SYK: variants seen among roughly 807,000 people sequenced by gnomAD.
SYK encodes the protein tyrosine-protein kinase SYK.
SYK carries 16 observed loss-of-function variants against 77.8 expected under a neutral mutation model. That is an observed-to-expected ratio of 0.21 (90% CI 0.14 to 0.31). SYK has a LOEUF of 0.31. Ranked by LOEUF, SYK falls within the 10% of genes least tolerant of loss-of-function variation. SYK has a pLI of 1.00. For synonymous variants in SYK, 312 were observed against 308.7 expected (o/e 1.01, Z -0.11); for missense variants, 529 against 814.4 (o/e 0.65, Z 4.26).
chr9:90,865,035 T>C lies in SYK; in HGVS notation c.797-13T>C, dbSNP rs1419383896. 6.2e-7 allele frequency: 1 copy of C among 1,613,954 alleles called. No homozygotes were observed. Among genetic ancestry groups the C allele is most frequent in the South Asian group, 1.1e-5 (1 of 91,062 alleles). The stretch of plus-strand genomic sequence containing the variant: ...CAGATAGAGCAGTAATTGTCCATGC[T>C]CTCTCTAACCAGGAAATGTTAATTT... On this transcript the variant is annotated splice_polypyrimidine_tract_variant and intron_variant, in intron 5 of 13. Transcript: ENST00000375754.
intron 3 of SYK, among the ~76,000 whole-genome samples, chr9:90,857,887 T>C (rs1052307304): frequency 3.9e-5 from 6 of 152,080 alleles, no homozygotes; most frequent in Non-Finnish European, 8.8e-5. Context: ...CCAGGCATCT[T>C]CCTTCCCCTT....
chr9:90,885,329 TATTTTTA>T (rs1828522209), intron 11 of SYK, among the ~76,000 whole-genome samples: 1 of 152,094 alleles, frequency 6.6e-6, no homozygotes, highest in South Asian at 2.1e-4. Context: ...AAGAAATAGA[TATTTTTA>T]AAAGAACCAA....
chr9:90,868,360 G>A (rs1827597830), intron 7 of SYK, among the ~76,000 whole-genome samples: 1 of 152,106 alleles, frequency 6.6e-6, no homozygotes, highest in Non-Finnish European at 1.5e-5. Flanking sequence ...GAAAAAAGTT[G>A]AAGAAAATAT....
chr9:90,875,460 A>G (rs1827890796), intron 9 of SYK, among the ~76,000 whole-genome samples: 1 of 152,058 alleles, frequency 6.6e-6, no homozygotes, highest in Admixed American at 6.5e-5. Context: ...TACCATCCCA[A>G]CACTACTACT....
chr9:90,827,889 C>A (rs1825712441), intron 1 of SYK, among the ~76,000 whole-genome samples: 1 of 152,288 alleles, frequency 6.6e-6, no homozygotes, highest in Middle Eastern at 3.4e-3. Flanking sequence ...ATTATAAAAT[C>A]TCAGGAGACC....
chr9:90,810,673 G>A (rs1022076397), intron 1 of SYK, among the ~76,000 whole-genome samples: 2 of 152,234 alleles, frequency 1.3e-5, no homozygotes, highest in Non-Finnish European at 2.9e-5. Flanking sequence ...CTCTGTCAGT[G>A]TGAAGACCAA....
At chr9:90,838,858 A>G (rs866370084) in intron 1 of SYK, among the ~76,000 whole-genome samples, 1 of 152,356 alleles carries the variant, frequency 6.6e-6, no homozygotes, top group East Asian at 1.9e-4. Context: ...TGAGTTGGCA[A>G]AAGCATCAGG....
At chr9:90,875,611 TA>T (rs1298137606) in intron 9 of SYK, among the ~76,000 whole-genome samples, 2 of 152,228 alleles carry the variant, frequency 1.3e-5, no homozygotes, top group Admixed American at 1.3e-4. Flanking sequence ...TTTAATTTTA[TA>T]GTTACATCTC....
intron 1 of SYK, among the ~76,000 whole-genome samples, chr9:90,837,736 C>T (rs1826141737): frequency 6.6e-6 from 1 of 152,142 alleles, no homozygotes; most frequent in Non-Finnish European, 1.5e-5. Flanking sequence ...GTGGCTTCCA[C>T]GAGGGCAGCC....
chr9:90,862,359 C>G lies in SYK; in HGVS notation c.717+15C>G, dbSNP rs372227462. The G allele has an allele frequency of 2.5e-6, 4 of 1,611,816 alleles. No individual in the cohort carries two copies. The highest frequency in any genetic ancestry group is 1.6e-4 in the Middle Eastern group (1 of 6,070). Reference sequence around the variant, plus strand: ...CGCTCTGGCAGGTACCCAGCCTCCTCTCCCCACCTTGTGGGTAGAGTACAG... The same window carrying G: ...CGCTCTGGCAGGTACCCAGCCTCCTGTCCCCACCTTGTGGGTAGAGTACAG... On this transcript the variant is annotated intron_variant, in intron 4 of 13. Coordinates refer to ENST00000375754, the MANE Select transcript of SYK (RefSeq NM_003177.7).
chr9:90,873,341 C>G (rs555964782), intron 7 of SYK, among the ~76,000 whole-genome samples: 2 of 146,140 alleles, frequency 1.4e-5, no homozygotes, highest in South Asian at 4.3e-4. Flanking sequence ...TCAACTCACG[C>G]TGAAAAAAAA....
chr9:90,862,915 T>C (rs1322621924), intron 4 of SYK, among the ~76,000 whole-genome samples: 1 of 152,066 alleles, frequency 6.6e-6, no homozygotes, highest in Non-Finnish European at 1.5e-5. Context: ...TCTCTCTCTG[T>C]GGAAACTAAG....
At chr9:90,868,465 G>A (rs560640519) in intron 7 of SYK, among the ~76,000 whole-genome samples, 5 of 152,168 alleles carry the variant, frequency 3.3e-5, no homozygotes, top group Admixed American at 1.3e-4. Context: ...TAGCACTAAT[G>A]CTGACACATA....
intron 8 of SYK, 115 bp downstream of exon 8, chr9:90,874,406 G>A (rs1288260117): frequency 1.8e-6 from 2 of 1,097,250 alleles, no homozygotes; most frequent in Admixed American, 3.8e-5. Context: ...TACAGCCACA[G>A]TTAGCCATGG....
chr9:90,819,822 T>C (rs969503962), intron 1 of SYK, among the ~76,000 whole-genome samples: 2 of 152,150 alleles, frequency 1.3e-5, no homozygotes, highest in African/African-American at 2.4e-5. Flanking sequence ...ATTTCAGCAT[T>C]AACCCAAAAG....
Position 90,844,208 on chromosome 9 carries a change from A to C in SYK, c.310A>C (p.Lys104Gln). Reference sequence around the variant, plus strand: ...GTCTGATGGCCTGGTCTGCCTCCTCAAGAAGCCCTTCAACCGGCCCCAAGG... The same window carrying C: ...GTCTGATGGCCTGGTCTGCCTCCTCCAGAAGCCCTTCAACCGGCCCCAAGG... The part of the protein sequence containing the change: ...QESDGLVCLL[K>Q]KPFNRPQGVQ... The change falls in exon 2 of 14, where the codon AAG becomes CAG. Residue 104 changes from lysine (K) to glutamine (Q), a missense_variant. Transcript: ENST00000375754. The C allele has an allele frequency of 6.2e-7, 1 of 1,614,196 alleles. No homozygotes were observed. The highest frequency in any genetic ancestry group is 8.5e-7 in the Non-Finnish European group (1 of 1,180,014).
At position 90,838,006 on chromosome 9, in the gene SYK, A is replaced by G. The variant is rs115759323; in HGVS notation, c.-41-5852A>G. On this transcript the variant is annotated intron_variant, in intron 1 of 13. Coordinates refer to ENST00000375754, the MANE Select transcript of SYK (RefSeq NM_003177.7). ...AGCAGCCAGGGTCTCATCCTCAGCA[A>G]CTGTGGTGCTCAATGTCATTTCCTC... 2.1e-3 allele frequency among the ~76,000 whole-genome samples: 324 copies of G among 152,304 alleles called. 2 individuals are homozygous for G. The highest frequency in any genetic ancestry group is 7.7e-3 in the African/African-American group (322 of 41,558).
chr9:90,837,437 A>G (rs1826125193), intron 1 of SYK, among the ~76,000 whole-genome samples: 1 of 152,098 alleles, frequency 6.6e-6, no homozygotes, highest in South Asian at 2.1e-4. Context: ...CTGAGACTGG[A>G]TCATCATGAT....
rs1554714684 is a variant in SYK, at chr9:90,884,774, T to TACACATATAC, written c.1582-2969_1582-2968insATACACACAT. Among the ~76,000 whole-genome samples, 2 of 32,736 alleles carry TACACATATAC rather than the reference T, an allele frequency of 6.1e-5. 1 individual carries two copies. The highest frequency in any genetic ancestry group is 9.6e-5 in the Non-Finnish European group (2 of 20,916). The allele number at this position is 32,736 out of a possible 152,430, so 21.5% of individuals were successfully genotyped here. A position where few individuals can be genotyped will look rare whatever the true frequency, so the allele number is the denominator to read the frequency against. On this transcript the variant is annotated intron_variant, in intron 11 of 13. Transcript: ENST00000375754. ...ATACACATATGTGTACATGCACATA[T>TACACATATAC]ACACATGTGTACATGCACATATACA...
Sources: gnomAD v4.1 joint callset for allele counts (sites outside exome capture counted in the v4.1 genomes callset) on GRCh38, gnomAD v4.1.1 for gene constraint, MANE v1.5 for transcripts, NCBI Gene and HGNC (gene_info 2026-07-23, HGNC 2026-07-21) for gene names.